TNS3: variants seen among roughly 807,000 people sequenced by gnomAD.
TNS3 encodes tensin 3.
A neutral mutation model predicts 140.9 loss-of-function variants in TNS3; 45 were observed. The ratio of observed to expected loss-of-function variants is 0.32; its 90% CI spans 0.25 to 0.41. The LOEUF is 0.41. Among genes scored for constraint, TNS3 ranks in the 10% least tolerant of loss-of-function variants. The pLI is 1.00. For missense variants in TNS3, 1,716 were observed against 1,906.7 expected, an observed-to-expected ratio of 0.90 and a Z score of 1.86; for synonymous variants, 815 against 788.4, an observed-to-expected ratio of 1.03 and a Z score of -0.56.
chr7:47,538,052 C>T (rs962069460), intron 1 of TNS3, among the ~76,000 whole-genome samples: 1 of 147,424 alleles, frequency 6.8e-6, no homozygotes, highest in Non-Finnish European at 1.5e-5. Flanking sequence ...TATGGGTCTG[C>T]GATTTTAGAA....
At chr7:47,505,624 T>C (rs1383184151) in intron 3 of TNS3, among the ~76,000 whole-genome samples, 1 of 152,186 alleles carries the variant, frequency 6.6e-6, no homozygotes, top group Admixed American at 6.5e-5. Context: ...TCCTCTCTGC[T>C]CCTGCACGTG....
At chr7:47,379,332 T>TTTA (rs1249034030) in intron 16 of TNS3, among the ~76,000 whole-genome samples, 1 of 152,242 alleles carries the variant, frequency 6.6e-6, no homozygotes, top group East Asian at 1.9e-4. Flanking sequence ...CATGTGGACA[T>TTTA]TTATAATTAG....
intron 20 of TNS3, among the ~76,000 whole-genome samples, chr7:47,328,690 C>G (rs1018407649): frequency 6.6e-6 from 1 of 152,252 alleles, no homozygotes; most frequent in Non-Finnish European, 1.5e-5. Flanking sequence ...ATCTGCCTCT[C>G]ATCTGGCCTG....
chr7:47,296,169 G>GA (rs958533092), intron 24 of TNS3, among the ~76,000 whole-genome samples: 16 of 147,300 alleles, frequency 1.1e-4, no homozygotes, highest in East Asian at 3.9e-4. Flanking sequence ...GGCAGGGGGA[G>GA]AAAAAAAAAA....
intron 2 of TNS3, among the ~76,000 whole-genome samples, chr7:47,518,645 A>G (rs1798861772): frequency 6.6e-6 from 1 of 152,348 alleles, no homozygotes; most frequent in South Asian, 2.1e-4. Context: ...CCTGGGCAAC[A>G]GTAAGACCCC....
At chr7:47,377,660 G>T (rs924266380) in intron 16 of TNS3, among the ~76,000 whole-genome samples, 2 of 146,232 alleles carry the variant, frequency 1.4e-5, no homozygotes, top group Non-Finnish European at 3.1e-5. Flanking sequence ...ACCCCAACCT[G>T]AGGTGGCTCC....
chr7:47,417,014 A>G (rs1794116506), intron 10 of TNS3, among the ~76,000 whole-genome samples: 1 of 152,154 alleles, frequency 6.6e-6, no homozygotes, highest in Admixed American at 6.5e-5. Flanking sequence ...TGCAGTGACC[A>G]CGCGGCTAAG....
At position 47,479,379 on chromosome 7, in the gene TNS3, T is replaced by TG. The variant is rs200000875; in HGVS notation, c.-76+1723dup. Among the ~76,000 whole-genome samples, 372 of 152,306 alleles carry TG rather than the reference T, an allele frequency of 2.4e-3. 7 individuals carry two copies. Among genetic ancestry groups the TG allele is most frequent in the African/African-American group, 8.4e-3 (349 of 41,574 alleles). ...CTGGGGCCACCTGGGCCTCAGCCCCTGGCTCCCGGGGCCTATGACAAGCCT... is the reference window on the plus strand; with the variant it reads ...CTGGGGCCACCTGGGCCTCAGCCCCTGGGCTCCCGGGGCCTATGACAAGCCT... On this transcript the variant is annotated intron_variant, in intron 4 of 30. Transcript: ENST00000311160.
intron 2 of TNS3, among the ~76,000 whole-genome samples, chr7:47,519,824 T>C (rs866232938): frequency 1.5e-5 from 2 of 129,388 alleles, no homozygotes; most frequent in African/African-American, 6.4e-5. Flanking sequence ...TTCTTTTTTT[T>C]TTTTTTTTTT....
At chr7:47,456,941 C>T (rs1796270464) in intron 4 of TNS3, among the ~76,000 whole-genome samples, 1 of 151,802 alleles carries the variant, frequency 6.6e-6, no homozygotes, top group Non-Finnish European at 1.5e-5. Context: ...ACGAGACTGT[C>T]TTCCAAGGAC....
At chr7:47,312,931 C>T (rs1787189045) in intron 20 of TNS3, among the ~76,000 whole-genome samples, 1 of 152,088 alleles carries the variant, frequency 6.6e-6, no homozygotes, top group African/African-American at 2.4e-5. Flanking sequence ...TGCTGGGCAC[C>T]AGTTTTCCAC....
At chr7:47,544,992 C>T (rs1026826753) in intron 1 of TNS3, among the ~76,000 whole-genome samples, 1 of 152,004 alleles carries the variant, frequency 6.6e-6, no homozygotes, top group Non-Finnish European at 1.5e-5. Context: ...TTAGGACTTA[C>T]TCTGCCACTT....
At chr7:47,494,856 G>A (rs1797944373) in intron 3 of TNS3, among the ~76,000 whole-genome samples, 1 of 152,170 alleles carries the variant, frequency 6.6e-6, no homozygotes, top group African/African-American at 2.4e-5. Flanking sequence ...AAGGGGGGAA[G>A]GGGAAACCCA....
At chr7:47,320,649 G>A (rs1787683545) in intron 20 of TNS3, among the ~76,000 whole-genome samples, 1 of 152,186 alleles carries the variant, frequency 6.6e-6, no homozygotes, top group Non-Finnish European at 1.5e-5. Context: ...AGGGACACAA[G>A]TCATGTTGGA....
chr7:47,522,251 C>G (rs1485717649), intron 2 of TNS3, among the ~76,000 whole-genome samples: 1 of 152,238 alleles, frequency 6.6e-6, no homozygotes, highest in Admixed American at 6.5e-5. Context: ...CTTTGCAGGC[C>G]TAGGGCTCTC....
intron 3 of TNS3, among the ~76,000 whole-genome samples, chr7:47,498,837 C>T (rs140040995): frequency 2.0e-5 from 3 of 152,316 alleles, no homozygotes; most frequent in Non-Finnish European, 4.4e-5. Context: ...AGTGACTTCC[C>T]AGCCTGTGGA....
chr7:47,464,442 C>T (rs181439885), intron 4 of TNS3, among the ~76,000 whole-genome samples: 197 of 152,248 alleles, frequency 1.3e-3, no homozygotes, highest in African/African-American at 4.0e-3. Flanking sequence ...AGTAACCCTA[C>T]GCCCCGAGCA....
At chr7:47,512,604 G>C (rs1798648886) in intron 2 of TNS3, among the ~76,000 whole-genome samples, 1 of 152,180 alleles carries the variant, frequency 6.6e-6, no homozygotes, top group Non-Finnish European at 1.5e-5. Flanking sequence ...AATAAACTTT[G>C]TGACCGACAG....
intron 16 of TNS3, among the ~76,000 whole-genome samples, chr7:47,385,507 G>A (rs539569822): frequency 6.6e-6 from 1 of 152,140 alleles, no homozygotes; most frequent in South Asian, 2.1e-4. Flanking sequence ...GCAGGGAGGA[G>A]ATGGAGACTG....
Sources: allele counts gnomAD v4.1 joint callset (sites outside exome capture counted in the v4.1 genomes callset), GRCh38; gene constraint gnomAD v4.1.1; transcripts MANE v1.5; gene names NCBI Gene and HGNC (gene_info 2026-07-23, HGNC 2026-07-21).